Variants in RCAN1 observed in about 807,000 individuals in gnomAD.
The protein encoded by RCAN1 is calcipressin-1.
A neutral mutation model predicts 22.9 loss-of-function variants in RCAN1; 11 were observed. The ratio of observed to expected loss-of-function variants is 0.48; its 90% CI spans 0.30 to 0.79. The LOEUF (loss-of-function observed/expected upper bound fraction) is 0.79, where lower values mean the gene tolerates loss of function less well. Among genes scored for constraint, RCAN1 ranks in the 30% least tolerant of loss-of-function variants. The pLI is 0.06. For missense variants in RCAN1, 291 were observed against 337.8 expected, an observed-to-expected ratio of 0.86 and a Z score of 1.09; for synonymous variants, 136 against 142.3, an observed-to-expected ratio of 0.96 and a Z score of 0.32.
At chr21:34,534,488 C>A (rs959919462) in intron 1 of RCAN1, among the ~76,000 whole-genome samples, 8 of 152,096 alleles carry the variant, frequency 5.3e-5, no homozygotes, top group Non-Finnish European at 1.0e-4. Flanking sequence ...ACAACAAAAG[C>A]TTCATGAGGA....
chr21:34,594,483 C>T (rs956445234), intron 1 of RCAN1, among the ~76,000 whole-genome samples: 1 of 152,070 alleles, frequency 6.6e-6, no homozygotes, highest in Non-Finnish European at 1.5e-5. Context: ...ACCCAGGAGG[C>T]GGAGGTTGCA....
intron 1 of RCAN1, among the ~76,000 whole-genome samples, chr21:34,609,901 A>G (rs896336664): frequency 6.6e-6 from 1 of 152,214 alleles, no homozygotes; most frequent in African/African-American, 2.4e-5. Context: ...CATATGTAAC[A>G]TGTAGCTTTC....
intron 1 of RCAN1, among the ~76,000 whole-genome samples, chr21:34,532,428 T>A (rs1268324734): frequency 6.6e-6 from 1 of 152,238 alleles, no homozygotes; most frequent in Non-Finnish European, 1.5e-5. Flanking sequence ...TACGTCTGTC[T>A]CCAGCACCGT....
chr21:34,530,007 C>T (rs1344117605), intron 1 of RCAN1, among the ~76,000 whole-genome samples: 1 of 152,222 alleles, frequency 6.6e-6, no homozygotes, highest in South Asian at 2.1e-4. Context: ...GATTCTGAGG[C>T]CTCCCCAGCC....
Position 34,518,350 on chromosome 21 carries a change from C to T in RCAN1, c.587-94G>A, listed in dbSNP as rs746539215. 196 of 1,328,880 alleles carry T rather than the reference C, an allele frequency of 1.5e-4. No individual in the cohort carries two copies. The highest frequency in any genetic ancestry group is 1.9e-4 in the Non-Finnish European group (186 of 970,332). The allele number at this position is 1,328,880 out of a possible 1,614,324, so 82.3% of individuals were successfully genotyped here. A position where few individuals can be genotyped will look rare whatever the true frequency, so the allele number is the denominator to read the frequency against. On this transcript the variant is annotated intron_variant, in intron 3 of 3. Transcript: ENST00000313806. The surrounding 1 kb of genome is among the most constrained non-coding windows in gnomAD (Gnocchi z 4.2). The stretch of plus-strand genomic sequence containing the variant: ...AGCATTCAGGGCTCTGCTGGGCCAG[C>T]TGCTCGTGACCATTCGATTGGGCTG...
At chr21:34,570,333 C>T (rs1987190586) in intron 1 of RCAN1, among the ~76,000 whole-genome samples, 1 of 152,102 alleles carries the variant, frequency 6.6e-6, no homozygotes, top group Non-Finnish European at 1.5e-5. Context: ...TTTTTAAGCA[C>T]AAGGATTCTC....
chr21:34,550,439 G>T (rs539368722), intron 1 of RCAN1, among the ~76,000 whole-genome samples: 2 of 152,142 alleles, frequency 1.3e-5, no homozygotes, highest in Admixed American at 6.5e-5. Flanking sequence ...TTAAATTGAG[G>T]CCATTAAGGA....
intron 1 of RCAN1, among the ~76,000 whole-genome samples, chr21:34,574,022 C>A (rs1010648382): frequency 6.6e-6 from 1 of 152,172 alleles, no homozygotes; most frequent in East Asian, 1.9e-4. Flanking sequence ...GCTTAAGGAA[C>A]GCTACAAAAA....
rs576688302 is a variant in RCAN1, at chr21:34,579,050, C to T, written c.252+35710G>A. The stretch of plus-strand genomic sequence containing the variant: ...AGTGATTCTCAAATGTGGGGTCCCT[C>T]AAAGGTTTTTAGGCCAGTTGTTTAG... On this transcript the variant is annotated intron_variant, in intron 1 of 3. Coordinates refer to ENST00000313806, the MANE Select transcript of RCAN1 (RefSeq NM_004414.7). Among the ~76,000 whole-genome samples, 11 of 152,214 alleles carry T rather than the reference C, an allele frequency of 7.2e-5. No homozygotes were observed. In the East Asian group the frequency reaches 2.1e-3, roughly 29 times the overall value.
At chr21:34,529,371 C>G (rs989209997) in intron 1 of RCAN1, among the ~76,000 whole-genome samples, 1 of 152,236 alleles carries the variant, frequency 6.6e-6, no homozygotes, top group Admixed American at 6.5e-5. Flanking sequence ...CTTGGACACT[C>G]TGGTTGGCCA....
At chr21:34,580,795 G>A (rs765221590) in intron 1 of RCAN1, among the ~76,000 whole-genome samples, 4 of 152,178 alleles carry the variant, frequency 2.6e-5, no homozygotes, top group African/African-American at 7.2e-5. Flanking sequence ...GTGCTTGCAC[G>A]AAGAAGGGAC....
intron 1 of RCAN1, among the ~76,000 whole-genome samples, chr21:34,567,115 C>T (rs1984305): frequency 0.4 from 59,192 of 146,576 alleles, 12,174 homozygotes; most frequent in East Asian, 0.73. Context: ...CTAAATCCTG[C>T]TGTGGTTCTA....
At chr21:34,522,234 A>G (rs1480462985) in intron 2 of RCAN1, 1 of 151,588 alleles carries the variant, frequency 6.6e-6, no homozygotes, top group Non-Finnish European at 1.5e-5. Flanking sequence ...AGAAATAAGA[A>G]TAAGGAACAA....
At chr21:34,532,774 C>T (rs1343855864) in intron 1 of RCAN1, among the ~76,000 whole-genome samples, 1 of 152,100 alleles carries the variant, frequency 6.6e-6, no homozygotes, top group East Asian at 1.9e-4. Context: ...ATTGTAGATA[C>T]TCTAGAAAAG....
rs572942502 is a variant in RCAN1 at position 34,587,980 on chromosome 21, C to T, written c.252+26780G>A. On this transcript the variant is annotated intron_variant, in intron 1 of 3. Coordinates refer to ENST00000313806, the MANE Select transcript of RCAN1 (RefSeq NM_004414.7). Reference sequence around the variant, plus strand: ...AAAGAAGGAATCTGCAGCAGAAATCCTTTACACTTGAACTGTAACATCAGT... The same window carrying T: ...AAAGAAGGAATCTGCAGCAGAAATCTTTTACACTTGAACTGTAACATCAGT... Among the ~76,000 whole-genome samples the T allele has an allele frequency of 3.3e-5, 5 of 152,292 alleles. No individual in the cohort carries two copies. In the East Asian group the frequency reaches 5.8e-4, roughly 18 times the overall value.
At chr21:34,519,115 G>C (rs765661251) in intron 3 of RCAN1, among the ~76,000 whole-genome samples, 4 of 152,184 alleles carry the variant, frequency 2.6e-5, no homozygotes, top group Non-Finnish European at 5.9e-5. Context: ...TAAAGGAGAC[G>C]GTAAAGGTAT....
intron 1 of RCAN1, among the ~76,000 whole-genome samples, chr21:34,602,491 T>C (rs981014815): frequency 2.6e-5 from 4 of 152,156 alleles, no homozygotes; most frequent in African/African-American, 7.2e-5. Flanking sequence ...TTCCAGGCAG[T>C]TCATGAACTG....
At position 34,614,885 on chromosome 21, in the gene RCAN1, C is replaced by G; in HGVS notation, c.127G>C (p.Asp43His). 2 of 1,444,856 alleles carry G rather than the reference C, an allele frequency of 1.4e-6. No homozygotes were observed. The highest frequency in any genetic ancestry group is 1.8e-6 in the Non-Finnish European group (2 of 1,093,840). The allele number at this position is 1,444,856 out of a possible 1,614,324, so 89.5% of individuals were successfully genotyped here. A position where few individuals can be genotyped will look rare whatever the true frequency, so the allele number is the denominator to read the frequency against. Residue 43 changes from aspartate (D) to histidine (H), a missense_variant, in exon 1 of 4, where the codon GAC becomes CAC. Coordinates refer to ENST00000313806, the MANE Select transcript of RCAN1 (RefSeq NM_004414.7). The surrounding 1 kb of genome is among the most constrained non-coding windows in gnomAD (Gnocchi z 6.0). ...FAPLSGAAEA[D>H]EGGGDWSFID... is the part of the protein sequence containing the mutation. ...AAGCTCCAGTCGCCGCCGCCCTCGT[C>G]CGCCTCGGCCGCCCCCGAGAGGGGC... is the stretch of plus-strand genomic sequence containing the variant.
At chr21:34,532,654 T>C (rs1985451281) in intron 1 of RCAN1, among the ~76,000 whole-genome samples, 1 of 152,220 alleles carries the variant, frequency 6.6e-6, no homozygotes, top group Non-Finnish European at 1.5e-5. Context: ...AAAAACTAGT[T>C]CCTCTTTGAC....
Sources: allele counts gnomAD v4.1 joint callset (sites outside exome capture counted in the v4.1 genomes callset), GRCh38; gene constraint gnomAD v4.1.1; non-coding constraint Gnocchi (gnomAD v3.1); transcripts MANE v1.5; gene names NCBI Gene and HGNC (gene_info 2026-07-23, HGNC 2026-07-21).